The following EPS8L1 variants were observed in gnomAD, a reference collection of about 807,000 sequenced individuals.
EPS8L1 encodes epidermal growth factor receptor kinase substrate 8-like protein 1.
In EPS8L1, 101 loss-of-function variants were observed where a neutral mutation model predicts 91.7. The observed-to-expected ratio is 1.10, with a 90% CI of 0.94 to 1.30. The LOEUF (loss-of-function observed/expected upper bound fraction) is 1.30, where lower values mean the gene tolerates loss of function less well. Among genes scored for constraint, EPS8L1 ranks in the 50% most tolerant of loss-of-function variants. The pLI, the probability that EPS8L1 is intolerant of heterozygous loss-of-function variation, is 0.00. For missense variants in EPS8L1, 1,114 were observed against 1,017.0 expected (o/e 1.10, Z -1.30); for synonymous variants, 506 against 445.3 (o/e 1.14, Z -1.72).
At chr19:55,077,584 CTTTT>C (rs35750835) in intron 2 of EPS8L1, among the ~76,000 whole-genome samples, 216 of 76,886 alleles carry the variant, frequency 2.8e-3, no homozygotes, top group African/African-American at 0.011. Context: ...CCTGACCTGT[CTTTT>C]TTTTTTTTTT....
In EPS8L1 at chr19:55,087,631, C is replaced by G. The variant is rs751574892; in HGVS notation, c.*17C>G. On this transcript the variant is annotated 3_prime_UTR_variant, in exon 20 of 20. Coordinates refer to ENST00000201647, the MANE Select transcript of EPS8L1 (RefSeq NM_133180.3). The stretch of plus-strand genomic sequence containing the variant: ...GTCATTTGACCTGCCAGGCGCCCTT[C>G]GCAAAGAGTGACGAGGCCCCGTGGG... The G allele has an allele frequency of 6.2e-6, 10 of 1,613,472 alleles. No homozygotes were observed. Among genetic ancestry groups the G allele is most frequent in the African/African-American group, 1.3e-5 (1 of 74,920 alleles).
rs140279705 is a variant in EPS8L1 at position 55,082,503 on chromosome 19, C to T, written c.1115C>T (p.Pro372Leu). Residue 372 changes from proline (P) to leucine (L), a missense_variant, in exon 12 of 20, where the codon CCG becomes CTG. By Grantham distance (98) the Pro-to-Leu change is moderately conservative (BLOSUM62 -3). Transcript: ENST00000201647. The part of the protein sequence containing the change: ...GPEFASSVRR[P>L]HLTSDAVALL... ...GAGTTCGCGAGCAGTGTGCGGCGGC[C>T]GCATCTGACATCGGATGCCGTGGCG... is the stretch of plus-strand genomic sequence containing the variant. 1.9e-6 allele frequency: 3 copies of T among 1,612,644 alleles called. No individual in the cohort carries two copies. The highest frequency in any genetic ancestry group is 1.7e-5 in the Admixed American group (1 of 59,988).
rs758526621 is a variant in EPS8L1 at position 55,081,301 on chromosome 19, T to C, written c.583T>C (p.Ser195Pro). ...AETPPLQRRP[S>P]VRAVISTVER... ...GACCCCGCCCCTGCAGCGCCGCCCGTCAGTCCGCGCAGTGATCAGCACCGT... is the reference window on the plus strand; with the variant it reads ...GACCCCGCCCCTGCAGCGCCGCCCGCCAGTCCGCGCAGTGATCAGCACCGT... Residue 195 changes from serine (S) to proline (P), a missense_variant, in exon 8 of 20, where the codon TCA becomes CCA. Transcript: ENST00000201647. This position sits in a 1 kb window ranked among gnomAD's most constrained non-coding sequence, Gnocchi z 4.9. The C allele has an allele frequency of 3.0e-5, 46 of 1,549,174 alleles. No individual in the cohort carries two copies. In the East Asian group the frequency reaches 9.9e-4, roughly 33 times the overall value.
chr19:55,078,831 T>A (rs1176799045), intron 3 of EPS8L1, among the ~76,000 whole-genome samples, 168 bp from the exon 4 acceptor site: 1 of 16,498 alleles, frequency 6.1e-5, no homozygotes, highest in Admixed American at 7.7e-4. Flanking sequence ...CTCCTGGGTT[T>A]GAGGGAGGAG....
At chr19:55,084,218 A>C in intron 14 of EPS8L1, 1 of 167,296 alleles carries the variant, frequency 6.0e-6, no homozygotes, top group Non-Finnish European at 1.3e-5. Flanking sequence ...GGACGATTAA[A>C]CTCTTGGTTT....
chr19:55,081,621 T>C lies in EPS8L1; in HGVS notation c.774+129T>C. The C allele has an allele frequency of 3.3e-6, 1 of 304,546 alleles. No individual in the cohort carries two copies. Among genetic ancestry groups the C allele is most frequent in the Non-Finnish European group, 5.4e-6 (1 of 185,472 alleles). 18.9% of individuals were successfully genotyped at this position (304,546 alleles called of 1,614,324 possible). A position where few individuals can be genotyped will look rare whatever the true frequency, so the allele number is the denominator to read the frequency against. On this transcript the variant is annotated intron_variant, in intron 8 of 19. Coordinates refer to ENST00000201647, the MANE Select transcript of EPS8L1 (RefSeq NM_133180.3). This position sits in a 1 kb window ranked among gnomAD's most constrained non-coding sequence, Gnocchi z 4.9. The stretch of plus-strand genomic sequence containing the variant: ...GACTTCTGCGTTATGGAAGAGGGGC[T>C]GGGTCGGGGGCGGGGCTTGGTTGTG...
chr19:55,082,869 G>A (rs1258088953), intron 12 of EPS8L1, among the ~76,000 whole-genome samples: 1 of 151,454 alleles, frequency 6.6e-6, no homozygotes. Flanking sequence ...AGGGGCTAGG[G>A]GCTACGGGGC....
chr19:55,079,974 C>G, intron 5 of EPS8L1, 123 bp downstream of exon 5: 1 of 1,446,072 alleles, frequency 6.9e-7, no homozygotes, highest in Non-Finnish European at 9.1e-7. Flanking sequence ...CAGCCCCCTT[C>G]TTGAGCCTTA....
At chr19:55,087,242 G>A in intron 18 of EPS8L1, 61 bp from the exon 19 acceptor site, 20 of 1,535,972 alleles carry the variant, frequency 1.3e-5, no homozygotes, top group Admixed American at 2.0e-5. Context: ...GGCGTGACAT[G>A]ATTGTCCGGG....
chr19:55,083,965 C>T lies in EPS8L1; in HGVS notation c.1385+321C>T. ...GGATCCCCAAAAGGCTGGAAGAAGC[C>T]AGTTTGTTTTCCCAGGGCCTGGGAA... is the stretch of plus-strand genomic sequence containing the variant. On this transcript the variant is annotated intron_variant, in intron 14 of 19. Coordinates refer to ENST00000201647, the MANE Select transcript of EPS8L1 (RefSeq NM_133180.3). This position sits in a 1 kb window ranked among gnomAD's most constrained non-coding sequence, Gnocchi z 4.7. 1.7e-6 allele frequency: 1 copy of T among 585,892 alleles called. No homozygotes were observed. The allele number at this position is 585,892 out of a possible 1,614,324, so 36.3% of individuals were successfully genotyped here.
chr19:55,086,335 A>G, intron 16 of EPS8L1, 57 bp from the exon 17 acceptor site: 1 of 1,604,748 alleles, frequency 6.2e-7, no homozygotes, highest in African/African-American at 1.3e-5. Flanking sequence ...GAAAGGGGAG[A>G]GGCTGGGACT....
At chr19:55,082,674 T>C (rs2076295621) in intron 12 of EPS8L1, 72 bp downstream of exon 12, 2 of 1,406,706 alleles carry the variant, frequency 1.4e-6, no homozygotes, top group Non-Finnish European at 1.9e-6. Flanking sequence ...GTGGGTGGCA[T>C]GATGATTGGA....
At position 55,078,133 on chromosome 19, in the gene EPS8L1, G is replaced by GC. The variant is rs1451975658; in HGVS notation, c.58+6dup. On this transcript the variant is annotated splice_donor_region_variant and intron_variant, in intron 3 of 19. Coordinates refer to ENST00000201647, the MANE Select transcript of EPS8L1 (RefSeq NM_133180.3). ...CAAGCGCCAAGTCTATCTATGGTGA[G>GC]CGGGGGGCAAGGGAGCCCCAGGCCC... 6.2e-7 allele frequency: 1 copy of GC among 1,613,324 alleles called. No individual in the cohort carries two copies. Among genetic ancestry groups the GC allele is most frequent in the East Asian group, 2.2e-5 (1 of 44,808 alleles).
chr19:55,087,252 G>A (rs761195949), intron 18 of EPS8L1, 51 bp from the exon 19 acceptor site: 2 of 1,546,954 alleles, frequency 1.3e-6, no homozygotes, highest in South Asian at 1.2e-5. Flanking sequence ...GATTGTCCGG[G>A]CTGGGGCATC....
chr19:55,077,900 A>T (rs1261683643), intron 2 of EPS8L1, among the ~76,000 whole-genome samples, 188 bp from the exon 3 acceptor site: 2 of 149,748 alleles, frequency 1.3e-5, no homozygotes, highest in Non-Finnish European at 3.0e-5. Context: ...CTGTCTTCTT[A>T]AAGTCCAGCT....
chr19:55,079,069 G>T lies in EPS8L1; in HGVS notation c.117+12G>T. 6.2e-6 allele frequency: 10 copies of T among 1,613,876 alleles called. No homozygotes were observed. Among genetic ancestry groups the T allele is most frequent in the Non-Finnish European group, 6.8e-6 (8 of 1,179,800 alleles). ...AGTACCCAGTCAATGTGAGTCTGGGGTCTGTGTTCCCCCAGGACATCTTCT... is the reference window on the plus strand; with the variant it reads ...AGTACCCAGTCAATGTGAGTCTGGGTTCTGTGTTCCCCCAGGACATCTTCT... On this transcript the variant is annotated intron_variant, in intron 4 of 19. Transcript: ENST00000201647.
Position 55,080,206 on chromosome 19 carries a change from G to A in EPS8L1, c.357G>A (p.Leu119=). The change falls in exon 6 of 20, where the codon TTG becomes TTA. Residue 119 remains leucine, a synonymous_variant. Coordinates refer to ENST00000201647, the MANE Select transcript of EPS8L1 (RefSeq NM_133180.3). ...TGCCACCCGGCAGGAGCCGCTCGTT[G>A]CTGCTGCTCGTGTGCCAGGAACCCG... ...AVMPPGRSRS[L]LLLVCQEPER... 1 of 1,538,492 alleles carries A rather than the reference G, an allele frequency of 6.5e-7. No homozygotes were observed.
rs757306403 is a variant in EPS8L1 at position 55,082,476 on chromosome 19, C to G, written c.1088C>G (p.Pro363Arg). 1 of 1,612,424 alleles carries G rather than the reference C, an allele frequency of 6.2e-7. No individual in the cohort carries two copies. The change falls in exon 12 of 20, where the codon CCG becomes CGG. Residue 363 changes from proline to arginine, a missense_variant. Pro to Arg is a moderately radical substitution (Grantham distance 103). Coordinates refer to ENST00000201647, the MANE Select transcript of EPS8L1 (RefSeq NM_133180.3). ...LQMIVNTSGG[P>R]EFASSVRRPH... Reference sequence around the variant, plus strand: ...CAGATTGTGAACACGTCGGGGGGGCCGGAGTTCGCGAGCAGTGTGCGGCGG... The same window carrying G: ...CAGATTGTGAACACGTCGGGGGGGCGGGAGTTCGCGAGCAGTGTGCGGCGG...
chr19:55,082,656 G>A (rs1602944247), intron 12 of EPS8L1, 54 bp downstream of exon 12: 2 of 1,483,752 alleles, frequency 1.3e-6, no homozygotes, highest in Non-Finnish European at 9.1e-7. Context: ...AGCATAAGGC[G>A]CTGGGAGGTG....
Sources: gnomAD v4.1 joint callset for allele counts (sites outside exome capture counted in the v4.1 genomes callset) on GRCh38, gnomAD v4.1.1 for gene constraint, Gnocchi (gnomAD v3.1) non-coding constraint, MANE v1.5 for transcripts, NCBI Gene and HGNC (gene_info 2026-07-23, HGNC 2026-07-21) for gene names.